Variants in GRIK4 observed in about 807,000 individuals in gnomAD.
GRIK4 encodes the protein glutamate ionotropic receptor kainate type subunit 4.
A neutral mutation model predicts 104.9 loss-of-function variants in GRIK4; 40 were observed. The ratio of observed to expected loss-of-function variants is 0.38; its 90% confidence interval spans 0.30 to 0.50. The LOEUF (loss-of-function observed/expected upper bound fraction) is 0.50, where lower values mean the gene tolerates loss of function less well. Among genes scored for constraint, GRIK4 ranks in the 20% least tolerant of loss-of-function variants. GRIK4 has a pLI of 0.93. For missense variants in GRIK4, 1,047 were observed against 1,308.1 expected (o/e 0.80, Z 3.08); for synonymous variants, 485 against 524.9 (o/e 0.92, Z 1.04).
intron 3 of GRIK4, among the ~76,000 whole-genome samples, chr11:120,673,095 TTC>T (rs1282967507): frequency 6.6e-6 from 1 of 152,214 alleles, no homozygotes; most frequent in African/African-American, 2.4e-5. Context: ...CCCTGACACT[TTC>T]TGTCCTTCTT....
chr11:120,961,234 A>G (rs1394092990), intron 17 of GRIK4, among the ~76,000 whole-genome samples, 160 bp downstream of exon 17: 2 of 152,176 alleles, frequency 1.3e-5, no homozygotes, highest in Non-Finnish European at 2.9e-5. Context: ...TGCTCCACAA[A>G]ATACTCCTGG....
In GRIK4 at chr11:120,567,643, C is replaced by T. The variant is rs116891312; in HGVS notation, c.-159+55756C>T. On this transcript the variant is annotated intron_variant, in intron 1 of 20. Transcript: ENST00000527524. ...GGGAGACCACAGAGAGTGGCCAGCA[C>T]TTGCTGAGCAGGGGAAGAGAGTGAT... Among the ~76,000 whole-genome samples the T allele has an allele frequency of 6.9e-4, 105 of 152,318 alleles. 2 individuals carry two copies. In the East Asian group the frequency reaches 0.011, roughly 16 times the overall value.
At chr11:120,880,170 C>T (rs959322442) in intron 11 of GRIK4, among the ~76,000 whole-genome samples, 1 of 152,134 alleles carries the variant, frequency 6.6e-6, no homozygotes, top group African/African-American at 2.4e-5. Flanking sequence ...CAATGGAGGT[C>T]GTAACCTCCC....
intron 13 of GRIK4, among the ~76,000 whole-genome samples, chr11:120,937,246 C>T (rs2134631483): frequency 6.6e-6 from 1 of 152,222 alleles, no homozygotes; most frequent in South Asian, 2.1e-4. Context: ...ACCGTGTTGG[C>T]CAGGCTGATC....
intron 13 of GRIK4, among the ~76,000 whole-genome samples, chr11:120,916,523 G>A (rs1251922698): frequency 2.0e-5 from 3 of 152,138 alleles, no homozygotes; most frequent in African/African-American, 4.8e-5. Context: ...CCTGAAACAC[G>A]GTGAAGTGGT....
intron 5 of GRIK4, among the ~76,000 whole-genome samples, chr11:120,816,859 C>T (rs1323899397): frequency 6.6e-6 from 1 of 152,104 alleles, no homozygotes; most frequent in Non-Finnish European, 1.5e-5. Flanking sequence ...GCTGACAAGT[C>T]CCCATCCTCC....
At chr11:120,741,141 T>G (rs1799776917) in intron 3 of GRIK4, among the ~76,000 whole-genome samples, 1 of 152,172 alleles carries the variant, frequency 6.6e-6, no homozygotes, top group Admixed American at 6.5e-5. Flanking sequence ...TCTGAGCCCC[T>G]GCATGCATTA....
chr11:120,848,198 T>C (rs1420578011), intron 8 of GRIK4, among the ~76,000 whole-genome samples: 1 of 152,120 alleles, frequency 6.6e-6, no homozygotes, highest in African/African-American at 2.4e-5. Flanking sequence ...TAGGCACAGG[T>C]ACAGACTGAC....
chr11:120,821,757 G>C lies in GRIK4; in HGVS notation c.511+1837G>C, dbSNP rs140869860. 7.9e-5 allele frequency among the ~76,000 whole-genome samples: 12 copies of C among 152,336 alleles called. No homozygotes were observed. The East Asian group carries it at 2.3e-3, about 29-fold the overall frequency. On this transcript the variant is annotated intron_variant, in intron 6 of 20. Transcript: ENST00000527524. Reference sequence around the variant, plus strand: ...GTTGGGTGCATTCAGGAGCACTCCAGTCCATCACTCAGGCAGTCAACAGGC... The same window carrying C: ...GTTGGGTGCATTCAGGAGCACTCCACTCCATCACTCAGGCAGTCAACAGGC...
intron 3 of GRIK4, among the ~76,000 whole-genome samples, chr11:120,771,687 T>C (rs1050498083): frequency 4.6e-5 from 7 of 152,204 alleles, no homozygotes; most frequent in African/African-American, 1.7e-4. Flanking sequence ...CAGGACCTAT[T>C]ATACAAGACA....
At chr11:120,641,780 ACCT>A (rs1395638238) in intron 1 of GRIK4, among the ~76,000 whole-genome samples, 1 of 151,820 alleles carries the variant, frequency 6.6e-6, no homozygotes, top group Non-Finnish European at 1.5e-5. Flanking sequence ...TCTTGTGTTG[ACCT>A]CCTATCTCAT....
intron 1 of GRIK4, among the ~76,000 whole-genome samples, chr11:120,615,776 T>A (rs1261592461): frequency 6.6e-6 from 1 of 152,186 alleles, no homozygotes; most frequent in African/African-American, 2.4e-5. Context: ...TGCTCAGTTT[T>A]CATTTTAATC....
At chr11:120,519,343 T>C (rs1209615224) in intron 1 of GRIK4, among the ~76,000 whole-genome samples, 1 of 152,164 alleles carries the variant, frequency 6.6e-6, no homozygotes, top group Non-Finnish European at 1.5e-5. Flanking sequence ...GTGGGGCATT[T>C]GGGAGGTGAT....
intron 3 of GRIK4, among the ~76,000 whole-genome samples, chr11:120,673,999 C>T (rs1950061281): frequency 6.6e-6 from 1 of 152,176 alleles, no homozygotes; most frequent in Non-Finnish European, 1.5e-5. Context: ...TCTGTCTGTT[C>T]TTCGGGGCCA....
At chr11:120,690,182 G>A (rs1950336190) in intron 3 of GRIK4, among the ~76,000 whole-genome samples, 1 of 152,212 alleles carries the variant, frequency 6.6e-6, no homozygotes, top group Non-Finnish European at 1.5e-5. Context: ...CCTAAATGCT[G>A]AAGCATAGCT....
At position 120,831,848 on chromosome 11, in the gene GRIK4, C is replaced by G. The variant is rs761138407; in HGVS notation, c.512-4C>G. 6.2e-7 allele frequency: 1 copy of G among 1,612,308 alleles called. No individual in the cohort carries two copies. The highest frequency in any genetic ancestry group is 2.2e-5 in the East Asian group (1 of 44,816). ...TCAGGGGCTTCATCCTCTCTCCCCT[C>G]CAGGCCTTTTAAACCTAGAGAAGCT... is the stretch of plus-strand genomic sequence containing the variant. On this transcript the variant is annotated splice_polypyrimidine_tract_variant and splice_region_variant and intron_variant, in intron 6 of 20. Transcript: ENST00000527524.
chr11:120,734,594 G>T (rs1951190955), intron 3 of GRIK4, among the ~76,000 whole-genome samples: 1 of 152,058 alleles, frequency 6.6e-6, no homozygotes. Flanking sequence ...TCTAGGTTTG[G>T]GAAGTTCTCT....
intron 1 of GRIK4, among the ~76,000 whole-genome samples, chr11:120,541,034 C>G (rs996067851): frequency 6.6e-6 from 1 of 152,254 alleles, no homozygotes; most frequent in Non-Finnish European, 1.5e-5. Context: ...GCCCCAGCCT[C>G]TCTCTCCAGC....
At chr11:120,868,312 A>T (rs1200275897) in intron 9 of GRIK4, 1 of 152,176 alleles carries the variant, frequency 6.6e-6, no homozygotes, top group Non-Finnish European at 1.5e-5. Context: ...AAACAAGAGA[A>T]TCGAGGGTTC....
Sources: allele counts gnomAD v4.1 joint callset (sites outside exome capture counted in the v4.1 genomes callset), GRCh38; gene constraint gnomAD v4.1.1; transcripts MANE v1.5; gene names NCBI Gene and HGNC (gene_info 2026-07-23, HGNC 2026-07-21).